NCKAP5: variants seen among roughly 807,000 people sequenced by gnomAD.
The protein encoded by NCKAP5 is nck-associated protein 5.
A neutral mutation model predicts 167.0 loss-of-function variants in NCKAP5; 92 were observed. The ratio of observed to expected loss-of-function variants is 0.55; its 90% CI spans 0.47 to 0.66. The LOEUF (loss-of-function observed/expected upper bound fraction) is 0.66, where lower values mean the gene tolerates loss of function less well. Ranked by LOEUF, NCKAP5 falls within the 30% of genes least tolerant of loss-of-function variation. The probability of loss-of-function intolerance (pLI) is 0.00; values close to 1 mark genes in which losing one functional copy is unlikely to be tolerated. For missense variants in NCKAP5, 2,378 were observed against 2,315.0 expected, an observed-to-expected ratio of 1.03 and a Z score of -0.56; for synonymous variants, 891 against 877.4, an observed-to-expected ratio of 1.02 and a Z score of -0.27.
At chr2:132,908,838 A>G (rs968451997) in intron 8 of NCKAP5, among the ~76,000 whole-genome samples, 1 of 152,234 alleles carries the variant, frequency 6.6e-6, no homozygotes, top group African/African-American at 2.4e-5. Flanking sequence ...GTTCTAAAAC[A>G]TGGATCCCTA....
intron 7 of NCKAP5, among the ~76,000 whole-genome samples, chr2:132,975,633 AAAAC>A (rs2076956922): frequency 6.6e-6 from 1 of 152,226 alleles, no homozygotes; most frequent in Non-Finnish European, 1.5e-5. Context: ...GACATCTAAG[AAAAC>A]TAATAACAGA....
At position 132,785,599 on chromosome 2, in the gene NCKAP5, C is replaced by A. The variant is rs139870029; in HGVS notation, c.1212G>T (p.Gly404=). The A allele has an allele frequency of 2.0e-4, 318 of 1,579,162 alleles. 1 individual carries two copies. The African/African-American group carries it at 3.7e-3, about 18-fold the overall frequency. Residue 404 remains glycine (G), a synonymous_variant, in exon 14 of 20, where the codon GGG becomes GGT. Coordinates refer to ENST00000409261, the MANE Select transcript of NCKAP5 (RefSeq NM_207363.3). The part of the protein sequence containing the change: ...TRIKESHILE[G]LRKLQKRKVL... ...CTTTTCGCTTCTGTAGCTTTCTTAG[C>A]CCTTCCAAAATGTGGCTTTCCTTGA...
At chr2:133,594,077 T>G in the NCKAP5 span, among the ~76,000 whole-genome samples, 11,839 of 152,286 alleles carry the variant, frequency 0.078, 493 homozygotes, top group Non-Finnish European at 0.1. Context: ...TTTTTCTTCC[T>G]CCAAAATTTC....
At chr2:133,372,332 T>C (rs1311208341) in intron 3 of NCKAP5, among the ~76,000 whole-genome samples, 2 of 152,198 alleles carry the variant, frequency 1.3e-5, no homozygotes. Flanking sequence ...GGACCCACTC[T>C]GGAAGCCCTC....
At chr2:133,388,564 T>G (rs1392113221) in intron 3 of NCKAP5, among the ~76,000 whole-genome samples, 3 of 152,242 alleles carry the variant, frequency 2.0e-5, no homozygotes, top group Non-Finnish European at 2.9e-5. Context: ...TCTTCAAAGC[T>G]GTCAGACAGG....
intron 3 of NCKAP5, among the ~76,000 whole-genome samples, chr2:133,315,815 T>G (rs1342136127): frequency 6.6e-6 from 1 of 152,148 alleles, no homozygotes. Context: ...GGAGGAGCCT[T>G]TCCAAATACC....
intron 3 of NCKAP5, among the ~76,000 whole-genome samples, chr2:133,494,845 A>G (rs1206183307): frequency 6.6e-6 from 1 of 152,224 alleles, no homozygotes; most frequent in Non-Finnish European, 1.5e-5. Context: ...CCTGCAAAGT[A>G]GAGGAAAATC....
Position 133,191,127 on chromosome 2 carries a change from T to C in NCKAP5, c.207+22589A>G, listed in dbSNP as rs537812945. Among the ~76,000 whole-genome samples, 175 of 152,054 alleles carry C rather than the reference T, an allele frequency of 1.2e-3. 1 individual carries two copies. The highest frequency in any genetic ancestry group is 6.8e-3 in the Middle Eastern group (2 of 294). On this transcript the variant is annotated intron_variant, in intron 5 of 19. Coordinates refer to ENST00000409261, the MANE Select transcript of NCKAP5 (RefSeq NM_207363.3). ...AAGTGAGCAAAGGAGATCAACAACATTTCTCAAAAGAAGACATTTATGCAG... is the reference window on the plus strand; with the variant it reads ...AAGTGAGCAAAGGAGATCAACAACACTTCTCAAAAGAAGACATTTATGCAG...
chr2:133,650,809 G>T, the NCKAP5 span, among the ~76,000 whole-genome samples: 1 of 152,196 alleles, frequency 6.6e-6, no homozygotes, highest in African/African-American at 2.4e-5. Context: ...TCGAACCCAG[G>T]AAATGGAGAC....
intron 3 of NCKAP5, among the ~76,000 whole-genome samples, chr2:133,485,602 G>A (rs1575043053): frequency 1.3e-5 from 2 of 152,144 alleles, no homozygotes; most frequent in African/African-American, 4.8e-5. Flanking sequence ...GTCATCGATC[G>A]GCACATCAGC....
chr2:132,973,875 C>G (rs1242783066), intron 7 of NCKAP5, among the ~76,000 whole-genome samples: 1 of 152,164 alleles, frequency 6.6e-6, no homozygotes, highest in Non-Finnish European at 1.5e-5. Context: ...AAAAATCATG[C>G]CTAATATAAG....
At chr2:133,530,251 C>A (rs184004787) in intron 2 of NCKAP5, among the ~76,000 whole-genome samples, 179 of 141,246 alleles carry the variant, frequency 1.3e-3, no homozygotes, top group Non-Finnish European at 1.4e-3. Context: ...TTTCCTTGAC[C>A]CTCAAGTAAA....
chr2:133,396,796 C>T (rs1687758265), intron 3 of NCKAP5, among the ~76,000 whole-genome samples: 1 of 152,140 alleles, frequency 6.6e-6, no homozygotes. Context: ...CAATTCAACC[C>T]ATAACATACA....
chr2:132,900,554 C>A (rs566680501), intron 8 of NCKAP5, among the ~76,000 whole-genome samples: 2 of 152,248 alleles, frequency 1.3e-5, no homozygotes, highest in African/African-American at 4.8e-5. Context: ...ACTGGCATGG[C>A]ACTTTCAACT....
intron 7 of NCKAP5, among the ~76,000 whole-genome samples, chr2:132,990,096 G>A (rs1049880420): frequency 2.0e-5 from 3 of 152,150 alleles, no homozygotes; most frequent in Non-Finnish European, 2.9e-5. Flanking sequence ...AAGGCAGGCC[G>A]TGGAACTCAT....
chr2:133,228,391 T>C (rs755810728), intron 4 of NCKAP5, among the ~76,000 whole-genome samples: 3 of 152,220 alleles, frequency 2.0e-5, no homozygotes, highest in Non-Finnish European at 4.4e-5. Context: ...ATTAACTCCA[T>C]TTGAGGTATG....
At chr2:133,320,644 T>C (rs547956419) in intron 3 of NCKAP5, among the ~76,000 whole-genome samples, 32 of 151,936 alleles carry the variant, frequency 2.1e-4, no homozygotes, top group Middle Eastern at 3.4e-3. Flanking sequence ...AGGGGAATGG[T>C]GTGAACCCGG....
intron 5 of NCKAP5, among the ~76,000 whole-genome samples, chr2:133,185,572 T>C (rs534750317): frequency 4.7e-4 from 71 of 151,990 alleles, no homozygotes; most frequent in Non-Finnish European, 8.8e-4. Flanking sequence ...CCAACTGTAA[T>C]AATATTGATT....
intron 5 of NCKAP5, among the ~76,000 whole-genome samples, chr2:133,193,250 A>C (rs1193329686): frequency 6.6e-6 from 1 of 152,088 alleles, no homozygotes; most frequent in African/African-American, 2.4e-5. Flanking sequence ...TATAAAGGGC[A>C]TGGGGAGAAG....
Sources: gnomAD v4.1 joint callset for allele counts (sites outside exome capture counted in the v4.1 genomes callset) on GRCh38, gnomAD v4.1.1 for gene constraint, MANE v1.5 for transcripts, NCBI Gene and HGNC (gene_info 2026-07-23, HGNC 2026-07-21) for gene names.